MYLK2: variants seen among roughly 807,000 people sequenced by gnomAD.
MYLK2 encodes the protein myosin light chain kinase 2, skeletal/cardiac muscle.
Under a neutral mutation model 58.2 loss-of-function variants are expected in MYLK2, and 27 were observed. That is an observed-to-expected ratio of 0.46 (90% CI 0.34 to 0.64). MYLK2 has a LOEUF of 0.64. Among genes scored for constraint, MYLK2 ranks in the 30% least tolerant of loss-of-function variants. MYLK2 has a pLI of 0.01. For synonymous variants in MYLK2, 310 were observed against 296.7 expected (o/e 1.04, Z -0.46); for missense variants, 676 against 764.3 (o/e 0.88, Z 1.36).
At position 31,821,530 on chromosome 20, in the gene MYLK2, A is replaced by T. The variant is rs1290714928; in HGVS notation, c.565A>T (p.Arg189Trp). The change falls in exon 4 of 13, where the codon AGG becomes TGG. Residue 189 changes from arginine (R) to tryptophan (W), a missense_variant. Arg to Trp is a moderately radical substitution (Grantham distance 101, BLOSUM62 -3). Around this residue, in one of 2 missense-constraint regions of MYLK2, gnomAD observed 306 missense variants for 296.5 expected, o/e 1.03. Coordinates refer to ENST00000375985, the MANE Select transcript of MYLK2 (RefSeq NM_033118.4). Reference sequence around the variant, plus strand: ...CATGACCCACAGCCCCACGGATCCCAGGCCAGCCAAGGCAGAAGAAGGAAA... The same window carrying T: ...CATGACCCACAGCCCCACGGATCCCTGGCCAGCCAAGGCAGAAGAAGGAAA... Reference protein sequence around the residue: ...VPMTHSPTDPRPAKAEEGKNI... With the variant: ...VPMTHSPTDPWPAKAEEGKNI... The T allele has an allele frequency of 6.2e-7, 1 of 1,614,054 alleles. No homozygotes were observed. Among genetic ancestry groups the T allele is most frequent in the East Asian group, 2.2e-5 (1 of 44,892 alleles).
At chr20:31,829,740 G>T (rs1242905939) in intron 8 of MYLK2, among the ~76,000 whole-genome samples, 1 of 152,206 alleles carries the variant, frequency 6.6e-6, no homozygotes, top group East Asian at 1.9e-4. Context: ...GGAATTCAGG[G>T]TTTTTGTGCA....
intron 8 of MYLK2, 168 bp downstream of exon 8, chr20:31,827,106 G>T (rs1168885872): frequency 5.1e-6 from 5 of 981,152 alleles, no homozygotes; most frequent in Non-Finnish European, 6.0e-6. Flanking sequence ...CAAGTGCCAG[G>T]AGCCGGGGGC....
chr20:31,824,379 G>A lies in MYLK2; in HGVS notation c.972+27G>A, dbSNP rs564612528. 458 of 1,594,314 alleles carry A rather than the reference G, an allele frequency of 2.9e-4. 4 individuals carry two copies. In the South Asian group the frequency reaches 4.8e-3, roughly 17 times the overall value. ...TAGTGAGGTTGCGGGGGTGGTGGCT[G>A]CCCAGGATGGGGAGGGGATCCTTGG... is the stretch of plus-strand genomic sequence containing the variant. On this transcript the variant is annotated intron_variant, in intron 6 of 12. Transcript: ENST00000375985.
chr20:31,820,454 G>C lies in MYLK2; in HGVS notation c.381G>C (p.Arg127Ser). Reference protein sequence around the residue: ...ASGSQDPGKPRVGKKAAEGQA... With the variant: ...ASGSQDPGKPSVGKKAAEGQA... ...GCAGCCAGGATCCTGGAAAGCCCAG[G>C]GTGGGCAAGAAGGCAGCAGAGGGCC... Residue 127 changes from arginine (R) to serine (S), a missense_variant, in exon 3 of 13, where the codon AGG becomes AGC. Physicochemically the swap from Arg to Ser is moderately radical, Grantham distance 110 (BLOSUM62 -1). Around this residue, in one of 2 missense-constraint regions of MYLK2, gnomAD observed 306 missense variants for 296.5 expected, o/e 1.03. Transcript: ENST00000375985. The C allele has an allele frequency of 6.2e-7, 1 of 1,612,202 alleles. No homozygotes were observed. Among genetic ancestry groups the C allele is most frequent in the Non-Finnish European group, 8.5e-7 (1 of 1,179,996 alleles).
At chr20:31,819,461 C>A in intron 1 of MYLK2, 33 bp downstream of exon 1, 1 of 1,374,034 alleles carries the variant, frequency 7.3e-7, no homozygotes, top group Non-Finnish European at 1.0e-6. Flanking sequence ...CAGGCCTCGG[C>A]TTCCTGTCTC....
At chr20:31,823,821 C>G in intron 5 of MYLK2, 2 of 548,206 alleles carry the variant, frequency 3.6e-6, no homozygotes, top group Non-Finnish European at 4.6e-6. Context: ...GTAGGAAATA[C>G]ACAGCATTTT....
Position 31,823,579 on chromosome 20 carries a change from G to A in MYLK2, c.875G>A (p.Gly292Glu), listed in dbSNP as rs770678849. 6.2e-7 allele frequency: 1 copy of A among 1,613,822 alleles called. No homozygotes were observed. Among genetic ancestry groups the A allele is most frequent in the Admixed American group, 1.7e-5 (1 of 60,028 alleles). The stretch of plus-strand genomic sequence containing the variant: ...AGTATGAACTCCAAGGAGGCGCTCG[G>A]AGGGTGAGATCTGGGACCCCAGCTG... ...EFSMNSKEAL[G>E]GGKFGAVCTC... Residue 292 changes from glycine (G) to glutamate (E), a missense_variant, in exon 5 of 13, where the codon GGA becomes GAA. Transcript: ENST00000375985.
intron 8 of MYLK2, chr20:31,828,158 G>C (rs907178672): frequency 1.9e-5 from 19 of 984,882 alleles, no homozygotes; most frequent in Non-Finnish European, 2.2e-5. Context: ...AAAGTGCTGG[G>C]ATTACATGTG....
At chr20:31,819,452 AG>A in intron 1 of MYLK2, 24 bp downstream of exon 1, 1 of 1,256,200 alleles carries the variant, frequency 8.0e-7, no homozygotes. Context: ...CTCAGTTAGC[AG>A]GCCTCGGCTT....
chr20:31,822,372 T>G (rs1003177512), intron 4 of MYLK2, among the ~76,000 whole-genome samples: 2 of 151,940 alleles, frequency 1.3e-5, no homozygotes, highest in African/African-American at 4.8e-5. Context: ...TATAGTGGGG[T>G]GGGGTCGTGG....
chr20:31,825,052 T>G lies in MYLK2; in HGVS notation c.972+700T>G, dbSNP rs934156286. Among the ~76,000 whole-genome samples, 7 of 152,040 alleles carry G rather than the reference T, an allele frequency of 4.6e-5. 1 individual carries two copies. The highest frequency in any genetic ancestry group is 1.7e-4 in the African/African-American group (7 of 41,380). ...GGGCAGAGTTTCAGGCAGAGGGGAC[T>G]ATGGGAGGAAAGGCTCGAGGGCCAG... On this transcript the variant is annotated intron_variant, in intron 6 of 12. Transcript: ENST00000375985.
intron 3 of MYLK2, 89 bp downstream of exon 3, chr20:31,820,635 C>T: frequency 6.8e-7 from 1 of 1,477,188 alleles, no homozygotes; most frequent in Non-Finnish European, 9.2e-7. Flanking sequence ...GCATGGTTAT[C>T]ATCACATTCA....
intron 8 of MYLK2, among the ~76,000 whole-genome samples, chr20:31,828,898 G>C (rs1161297679): frequency 6.6e-6 from 1 of 152,208 alleles, no homozygotes; most frequent in Non-Finnish European, 1.5e-5. Flanking sequence ...TAAGCCAGGA[G>C]AGAGATGCCA....
At chr20:31,828,198 G>T (rs1036168959) in intron 8 of MYLK2, 3 of 985,228 alleles carry the variant, frequency 3.0e-6, no homozygotes, top group Non-Finnish European at 3.6e-6. Flanking sequence ...ACAGATAGGT[G>T]TATACATTGC....
intron 5 of MYLK2, chr20:31,823,859 A>G (rs1461494603): frequency 1.2e-6 from 1 of 804,366 alleles, no homozygotes; most frequent in Non-Finnish European, 1.5e-6. Context: ...CAGGCACCAC[A>G]CTGACCCCCT....
At chr20:31,824,483 T>G in intron 6 of MYLK2, 131 bp downstream of exon 6, 4 of 1,525,016 alleles carry the variant, frequency 2.6e-6, no homozygotes, top group Middle Eastern at 4.5e-4. Flanking sequence ...GTGAAAATAC[T>G]ACACAGATAG....
In MYLK2 at chr20:31,833,919, C is replaced by A; in HGVS notation, c.*122C>A. 1 of 930,104 alleles carries A rather than the reference C, an allele frequency of 1.1e-6. No homozygotes were observed. Among genetic ancestry groups the A allele is most frequent in the Non-Finnish European group, 1.7e-6 (1 of 600,518 alleles). The allele number at this position is 930,104 out of a possible 1,614,324, so 57.6% of individuals were successfully genotyped here. A position where few individuals can be genotyped will look rare whatever the true frequency, so the allele number is the denominator to read the frequency against. ...GCAGCCTCGTTAGGACAAGGCTGTG[C>A]CAGGCTGGGAGGCTCGGGGCTCCCC... On this transcript the variant is annotated 3_prime_UTR_variant, in exon 13 of 13. Transcript: ENST00000375985.
rs1357697088 is a variant in MYLK2, at chr20:31,826,629, G to T, written c.997G>T (p.Val333Phe). Residue 333 changes from valine to phenylalanine, a missense_variant, in exon 7 of 13, where the codon GTC (valine) becomes TTC (phenylalanine). By Grantham distance (50) the Val-to-Phe change is conservative. Around this residue, in one of 2 missense-constraint regions of MYLK2, gnomAD observed 370 missense variants for 467.8 expected, o/e 0.79. Transcript: ENST00000375985. Reference sequence around the variant, plus strand: ...GGAAATGGTGTTGCTGGAGATTGAGGTCATGAACCAGCTGAACCACCGCAA... The same window carrying T: ...GGAAATGGTGTTGCTGGAGATTGAGTTCATGAACCAGCTGAACCACCGCAA... ...DKEMVLLEIE[V>F]MNQLNHRNLI... 5.0e-6 allele frequency: 8 copies of T among 1,613,878 alleles called. No individual in the cohort carries two copies. The highest frequency in any genetic ancestry group is 1.3e-5 in the African/African-American group (1 of 74,830).
intron 12 of MYLK2, 28 bp downstream of exon 12, chr20:31,832,164 A>C: frequency 1.2e-4 from 105 of 909,836 alleles, no homozygotes; most frequent in Non-Finnish European, 1.6e-4. Context: ...GTGGGGAGGG[A>C]GGGCTTGCTA....
Sources: allele counts gnomAD v4.1 joint callset (sites outside exome capture counted in the v4.1 genomes callset), GRCh38; gene constraint gnomAD v4.1.1; regional missense constraint gnomAD v4.1.1; transcripts MANE v1.5; gene names NCBI Gene and HGNC (gene_info 2026-07-23, HGNC 2026-07-21).